Variants in DPP10 observed in about 807,000 individuals in gnomAD.
The protein encoded by DPP10 is inactive dipeptidyl peptidase 10.
In DPP10, 33 loss-of-function variants were observed where a neutral mutation model predicts 120.9. That is an observed-to-expected ratio of 0.27 (90% CI 0.21 to 0.37). The LOEUF (loss-of-function observed/expected upper bound fraction) is 0.37, where lower values mean the gene tolerates loss of function less well. Ranked by LOEUF, DPP10 falls within the 10% of genes least tolerant of loss-of-function variation. DPP10 has a pLI of 1.00. For missense variants in DPP10, 816 were observed against 942.8 expected (o/e 0.87, Z 1.76); for synonymous variants, 337 against 326.1 (o/e 1.03, Z -0.36).
intron 1 of DPP10, among the ~76,000 whole-genome samples, chr2:114,458,492 A>T (rs1678702414): frequency 6.6e-6 from 1 of 152,056 alleles, no homozygotes; most frequent in African/African-American, 2.4e-5. Flanking sequence ...ATTTTGACAT[A>T]TGTATATTTT....
At chr2:115,218,518 G>T (rs767329915) in intron 1 of DPP10, among the ~76,000 whole-genome samples, 22 of 151,976 alleles carry the variant, frequency 1.4e-4, no homozygotes, top group Non-Finnish European at 3.2e-4. Flanking sequence ...TTCCAACATC[G>T]TACTGACATA....
chr2:115,087,125 C>G (rs1708776015), intron 1 of DPP10, among the ~76,000 whole-genome samples: 1 of 152,168 alleles, frequency 6.6e-6, no homozygotes, highest in South Asian at 2.1e-4. Context: ...TTTTGCTTCA[C>G]TCTCTCATGT....
intron 1 of DPP10, among the ~76,000 whole-genome samples, chr2:114,799,301 AAC>A (rs1683986909): frequency 1.3e-5 from 2 of 152,272 alleles, no homozygotes; most frequent in South Asian, 4.1e-4. Flanking sequence ...GGTCATCTAT[AAC>A]ACACACAATG....
At chr2:115,305,017 C>T (rs1033892273) in intron 1 of DPP10, among the ~76,000 whole-genome samples, 2 of 152,038 alleles carry the variant, frequency 1.3e-5, no homozygotes, top group African/African-American at 4.8e-5. Flanking sequence ...TGTCTCTAGG[C>T]AATCACAATG....
intron 4 of DPP10, among the ~76,000 whole-genome samples, chr2:115,510,752 C>A (rs1473076537): frequency 1.3e-5 from 2 of 152,084 alleles, no homozygotes; most frequent in Non-Finnish European, 2.9e-5. Context: ...GCTACACTAA[C>A]AAGGTTCTGA....
At chr2:115,716,432 G>T (rs958096943) in intron 7 of DPP10, among the ~76,000 whole-genome samples, 14 of 152,210 alleles carry the variant, frequency 9.2e-5, no homozygotes, top group African/African-American at 3.4e-4. Flanking sequence ...GAAGTACGAG[G>T]GATAGCCAAT....
chr2:115,517,697 C>T (rs1355115335), intron 4 of DPP10, among the ~76,000 whole-genome samples: 3 of 151,924 alleles, frequency 2.0e-5, no homozygotes, highest in Non-Finnish European at 2.9e-5. Context: ...AAATCTATCA[C>T]GATTGACAAT....
Position 115,343,841 on chromosome 2 carries a change from C to A in DPP10, c.200C>A (p.Thr67Asn). The A allele has an allele frequency of 6.2e-7, 1 of 1,611,714 alleles. No individual in the cohort carries two copies. Among genetic ancestry groups the A allele is most frequent in the Non-Finnish European group, 8.5e-7 (1 of 1,178,992 alleles). ...TPDELTNSSE[T>N]RLSLEDLFRK... ...GATGAACTCACAAATTCGTCAGAAA[C>A]CAGATTGTCTTTGGAAGACCTCTTT... Residue 67 changes from threonine to asparagine, a missense_variant, in exon 3 of 26, where the codon ACC becomes AAC. Transcript: ENST00000410059.
intron 17 of DPP10, among the ~76,000 whole-genome samples, chr2:115,783,747 T>A (rs969213165): frequency 3.9e-5 from 6 of 152,078 alleles, no homozygotes; most frequent in Non-Finnish European, 5.9e-5. Context: ...GACAGTACGG[T>A]TGATAAAATG....
intron 1 of DPP10, among the ~76,000 whole-genome samples, chr2:114,561,927 C>T (rs1055477082): frequency 4.7e-4 from 72 of 152,270 alleles, no homozygotes; most frequent in Middle Eastern, 3.4e-3. Context: ...AGACAGTGAG[C>T]TATAAGGTGT....
intron 5 of DPP10, among the ~76,000 whole-genome samples, chr2:115,669,321 A>T (rs2089695085): frequency 6.6e-6 from 1 of 152,176 alleles, no homozygotes; most frequent in Non-Finnish European, 1.5e-5. Context: ...AAAACTCACT[A>T]TTGAAGAGCA....
chr2:114,711,957 CAAATTATA>C (rs879522577), intron 1 of DPP10, among the ~76,000 whole-genome samples: 106 of 152,210 alleles, frequency 7.0e-4, no homozygotes, highest in Non-Finnish European at 1.2e-3. Flanking sequence ...AATAGAAAGT[CAAATTATA>C]ATAATTATCA....
At chr2:114,789,518 C>G (rs77731713) in intron 1 of DPP10, among the ~76,000 whole-genome samples, 40 of 152,278 alleles carry the variant, frequency 2.6e-4, no homozygotes, top group African/African-American at 8.9e-4. Flanking sequence ...GAGCCAGTAG[C>G]ATGGCGTCAA....
chr2:114,928,029 C>T (rs1157071098), intron 1 of DPP10, among the ~76,000 whole-genome samples: 1 of 152,174 alleles, frequency 6.6e-6, no homozygotes, highest in Admixed American at 6.5e-5. Context: ...GGATCCACCT[C>T]CATGACCCAA....
At position 115,506,379 on chromosome 2, in the gene DPP10, T is replaced by C. The variant is rs557607935; in HGVS notation, c.366+6775T>C. 7.9e-5 allele frequency among the ~76,000 whole-genome samples: 12 copies of C among 152,224 alleles called. No individual in the cohort carries two copies. The South Asian group carries it at 2.3e-3, about 29-fold the overall frequency. Reference sequence around the variant, plus strand: ...GCATTTTCCCTGTCTCCTACTTCAGTTGAAATTTAAAAAAGTAAAAAATCA... The same window carrying C: ...GCATTTTCCCTGTCTCCTACTTCAGCTGAAATTTAAAAAAGTAAAAAATCA... On this transcript the variant is annotated intron_variant, in intron 4 of 25. Coordinates refer to ENST00000410059, the MANE Select transcript of DPP10 (RefSeq NM_020868.6).
intron 5 of DPP10, among the ~76,000 whole-genome samples, chr2:115,628,261 A>T (rs759480852): frequency 6.6e-6 from 1 of 152,048 alleles, no homozygotes; most frequent in African/African-American, 2.4e-5. Flanking sequence ...ACGTTTCTCA[A>T]TTGATCAGTG....
intron 1 of DPP10, among the ~76,000 whole-genome samples, chr2:115,047,192 C>A (rs938128950): frequency 2.6e-5 from 4 of 151,970 alleles, no homozygotes; most frequent in Non-Finnish European, 5.9e-5. Flanking sequence ...ATTAGAAATA[C>A]GCTGAATAAA....
rs1411447187 is a variant in DPP10 at position 115,565,287 on chromosome 2, TTC to T, written c.441+39319_441+39320del. On this transcript the variant is annotated intron_variant, in intron 5 of 25. Coordinates refer to ENST00000410059, the MANE Select transcript of DPP10 (RefSeq NM_020868.6). The stretch of plus-strand genomic sequence containing the variant: ...AAATACTATAAACCCTTCACCCAGA[TTC>T]TCTTTCACTATGTTTTATGTACATA... Among the ~76,000 whole-genome samples, 223 of 152,314 alleles carry T rather than the reference TTC, an allele frequency of 1.5e-3. 1 individual carries two copies. The highest frequency in any genetic ancestry group is 1.7e-3 in the Non-Finnish European group (114 of 68,036).
chr2:115,635,607 A>C (rs552446919), intron 5 of DPP10, among the ~76,000 whole-genome samples: 5 of 152,266 alleles, frequency 3.3e-5, no homozygotes, highest in African/African-American at 4.8e-5. Flanking sequence ...ACTGAAACTC[A>C]CCAGTTAATG....
Sources: allele counts gnomAD v4.1 joint callset (sites outside exome capture counted in the v4.1 genomes callset), GRCh38; gene constraint gnomAD v4.1.1; transcripts MANE v1.5; gene names NCBI Gene and HGNC (gene_info 2026-07-23, HGNC 2026-07-21).